The following PPP3CB variants were observed in gnomAD, a reference collection of about 807,000 sequenced individuals.
PPP3CB encodes the protein serine/threonine-protein phosphatase 2B catalytic subunit beta isoform.
A neutral mutation model predicts 66.4 loss-of-function variants in PPP3CB; 8 were observed. The ratio of observed to expected loss-of-function variants is 0.12; its 90% CI spans 0.07 to 0.22. The LOEUF (loss-of-function observed/expected upper bound fraction) is 0.22, where lower values mean the gene tolerates loss of function less well. Ranked by LOEUF, PPP3CB falls within the 10% of genes least tolerant of loss-of-function variation. The probability of loss-of-function intolerance (pLI) is 1.00; values close to 1 mark genes in which losing one functional copy is unlikely to be tolerated. For missense variants in PPP3CB, 319 were observed against 642.5 expected, an observed-to-expected ratio of 0.50 and a Z score of 5.44; for synonymous variants, 208 against 221.2, an observed-to-expected ratio of 0.94 and a Z score of 0.53.
intron 9 of PPP3CB, among the ~76,000 whole-genome samples, chr10:73,459,010 C>T (rs1329044051): frequency 4.6e-5 from 7 of 151,882 alleles, no homozygotes; most frequent in Admixed American, 2.0e-4. Flanking sequence ...GCAGAGGTTG[C>T]GGTGAGCCGA....
At chr10:73,481,659 C>A (rs2056881838) in intron 1 of PPP3CB, among the ~76,000 whole-genome samples, 2 of 144,416 alleles carry the variant, frequency 1.4e-5, no homozygotes, top group Admixed American at 6.7e-5. Flanking sequence ...AGGTTAGATT[C>A]CTATCAATTA....
rs1304433883 is a variant in PPP3CB at position 73,436,745 on chromosome 10, C to T, written c.*1497G>A. The T allele has an allele frequency of 6.6e-6, 1 of 152,180 alleles. No homozygotes were observed. Among genetic ancestry groups the T allele is most frequent in the Non-Finnish European group, 1.5e-5 (1 of 68,032 alleles). 9.4% of individuals were successfully genotyped at this position (152,180 alleles called of 1,614,324 possible). A position where few individuals can be genotyped will look rare whatever the true frequency, so the allele number is the denominator to read the frequency against. On this transcript the variant is annotated 3_prime_UTR_variant, in exon 14 of 14. Transcript: ENST00000360663. ...ATCCCAGCTCTAGTAACAGGATTTTCTGATTTGCATCAAAAGGACAAATCA... is the reference window on the plus strand; with the variant it reads ...ATCCCAGCTCTAGTAACAGGATTTTTTGATTTGCATCAAAAGGACAAATCA...
intron 9 of PPP3CB, among the ~76,000 whole-genome samples, chr10:73,456,297 A>G (rs1327108394): frequency 1.3e-5 from 2 of 152,254 alleles, no homozygotes; most frequent in Non-Finnish European, 2.9e-5. Flanking sequence ...TTAAATATCA[A>G]CTGCAAAAGG....
chr10:73,442,790 CT>C (rs1395041130), intron 12 of PPP3CB, among the ~76,000 whole-genome samples: 8 of 151,408 alleles, frequency 5.3e-5, no homozygotes, highest in Admixed American at 3.9e-4. Context: ...ACACAGTGTA[CT>C]TTTCAGATAT....
chr10:73,483,591 A>T (rs2056919778), intron 1 of PPP3CB, among the ~76,000 whole-genome samples: 1 of 152,004 alleles, frequency 6.6e-6, no homozygotes, highest in Non-Finnish European at 1.5e-5. Context: ...GAAGAGGTGA[A>T]GGTTGCAGTG....
At chr10:73,450,739 A>C (rs982976235) in intron 10 of PPP3CB, among the ~76,000 whole-genome samples, 2 of 152,196 alleles carry the variant, frequency 1.3e-5, no homozygotes, top group African/African-American at 2.4e-5. Context: ...AGTGGGAAAG[A>C]ATTTTCATCC....
intron 1 of PPP3CB, among the ~76,000 whole-genome samples, chr10:73,490,238 G>C (rs192381633): frequency 6.6e-4 from 101 of 152,200 alleles, no homozygotes; most frequent in African/African-American, 2.3e-3. Context: ...TTCCAGTCCA[G>C]AGTCATCACT....
chr10:73,481,999 C>A (rs1312095300), intron 1 of PPP3CB, among the ~76,000 whole-genome samples: 1 of 151,956 alleles, frequency 6.6e-6, no homozygotes, highest in Admixed American at 6.6e-5. Flanking sequence ...AAAGATTAAA[C>A]AAACCATTAT....
rs1307064637 is a variant in PPP3CB at position 73,478,554 on chromosome 10, T to C, written c.356A>G (p.Asn119Ser). 6.2e-7 allele frequency: 1 copy of C among 1,609,172 alleles called. No homozygotes were observed. Among genetic ancestry groups the C allele is most frequent in the Non-Finnish European group, 8.5e-7 (1 of 1,175,630 alleles). Residue 119 changes from asparagine (N) to serine (S), a missense_variant, in exon 3 of 14, where the codon AAT becomes AGT. Physicochemically the swap from Asn to Ser is conservative, Grantham distance 46 (BLOSUM62 1). This residue lies in a region of PPP3CB where 51 missense variants were observed against 139.6 expected (regional missense o/e 0.37). Transcript: ENST00000360663. ...KLFEVGGSPA[N>S]TRYLFLGDYV... ...ATCGCCAAGAAAAAGGTATCGTGTA[T>C]TAGCAGGTGATCCTCCTACTTCAAA...
At chr10:73,463,192 T>A (rs921837868) in intron 9 of PPP3CB, among the ~76,000 whole-genome samples, 1 of 152,136 alleles carries the variant, frequency 6.6e-6, no homozygotes, top group African/African-American at 2.4e-5. Flanking sequence ...CTTCTACCAT[T>A]CTTTTGGTTC....
intron 10 of PPP3CB, 43 bp from the exon 11 acceptor site, chr10:73,446,616 G>T (rs201339624): frequency 1.4e-4 from 223 of 1,543,570 alleles, no homozygotes; most frequent in Non-Finnish European, 1.9e-4. Context: ...TCAAGTTTAG[G>T]GCATGCATGC....
intron 5 of PPP3CB, 65 bp downstream of exon 5, chr10:73,471,403 C>T (rs552084603): frequency 1.3e-6 from 2 of 1,495,012 alleles, no homozygotes; most frequent in South Asian, 1.3e-5. Context: ...AAGTTTGAAA[C>T]TTCTGCTCTA....
At chr10:73,441,460 C>T (rs913717289) in intron 12 of PPP3CB, among the ~76,000 whole-genome samples, 1 of 152,040 alleles carries the variant, frequency 6.6e-6, no homozygotes. Context: ...AAAAATTAGC[C>T]GGGCATGGTG....
intron 1 of PPP3CB, among the ~76,000 whole-genome samples, chr10:73,484,363 G>C (rs57585899): frequency 6.6e-6 from 1 of 151,538 alleles, no homozygotes; most frequent in African/African-American, 2.4e-5. Context: ...TCCGCCCCCC[G>C]GGGTTCATGC....
chr10:73,467,726 TGTCATTA>T lies in PPP3CB; in HGVS notation c.983-55_983-49del, dbSNP rs753460600. ...ATAACTTAATAGATAAGTAACTATT[TGTCATTA>T]GCCTTAAAAATATAAAATACATAAA... On this transcript the variant is annotated intron_variant, in intron 8 of 13. Transcript: ENST00000360663. 8 of 1,446,556 alleles carry T rather than the reference TGTCATTA, an allele frequency of 5.5e-6. No homozygotes were observed. The African/African-American group carries it at 1.2e-4, about 21-fold the overall frequency. 89.6% of individuals were successfully genotyped at this position (1,446,556 alleles called of 1,614,324 possible). A position where few individuals can be genotyped will look rare whatever the true frequency, so the allele number is the denominator to read the frequency against.
At chr10:73,459,346 C>T (rs1589694910) in intron 9 of PPP3CB, among the ~76,000 whole-genome samples, 1 of 152,020 alleles carries the variant, frequency 6.6e-6, no homozygotes, top group Admixed American at 6.5e-5. Flanking sequence ...ATTAGCTGGG[C>T]ATGGTGGCGG....
At chr10:73,473,900 T>C (rs752658056) in intron 4 of PPP3CB, among the ~76,000 whole-genome samples, 8 of 152,156 alleles carry the variant, frequency 5.3e-5, no homozygotes, top group Non-Finnish European at 8.8e-5. Flanking sequence ...AATAGCATGA[T>C]TGAAATGATC....
chr10:73,440,483 G>A (rs1050059185), intron 12 of PPP3CB, among the ~76,000 whole-genome samples: 2 of 152,234 alleles, frequency 1.3e-5, no homozygotes, highest in South Asian at 2.1e-4. Flanking sequence ...GAAATTTAAG[G>A]GCAGTAAACT....
chr10:73,471,472 C>T lies in PPP3CB; in HGVS notation c.665G>A (p.Arg222Lys), dbSNP rs1233179084. The change falls in exon 5 of 14, where the codon AGG becomes AAG. Residue 222 changes from arginine (R) to lysine (K), a missense_variant. This residue lies in a region of PPP3CB where 19 missense variants were observed against 17.0 expected (regional missense o/e 1.12). Coordinates refer to ENST00000360663, the MANE Select transcript of PPP3CB (RefSeq NM_021132.4). ...SPEIHTLDDI[R>K]RLDRFKEPPA... Reference sequence around the variant, plus strand: ...GGAAGTAAAATATATACTTACTCTCCTAATATCATCCAGTGTGTGTATTTC... The same window carrying T: ...GGAAGTAAAATATATACTTACTCTCTTAATATCATCCAGTGTGTGTATTTC... 8.7e-6 allele frequency: 14 copies of T among 1,604,638 alleles called. No homozygotes were observed. The highest frequency in any genetic ancestry group is 1.0e-5 in the Non-Finnish European group (12 of 1,176,648).
Sources: allele counts gnomAD v4.1 joint callset (sites outside exome capture counted in the v4.1 genomes callset), GRCh38; gene constraint gnomAD v4.1.1; regional missense constraint gnomAD v4.1.1; transcripts MANE v1.5; gene names NCBI Gene and HGNC (gene_info 2026-07-23, HGNC 2026-07-21).